AMPH: variants seen among roughly 807,000 people sequenced by gnomAD.
The protein encoded by AMPH is amphiphysin, also known as amphiphysin (Stiff-Mann syndrome with breast cancer 128kD autoantigen).
A neutral mutation model predicts 99.1 loss-of-function variants in AMPH; 49 were observed. The ratio of observed to expected loss-of-function variants is 0.49; its 90% confidence interval spans 0.39 to 0.63. AMPH has a LOEUF of 0.63. Among genes scored for constraint, AMPH ranks in the 20% least tolerant of loss-of-function variants. The pLI, the probability that AMPH is intolerant of heterozygous loss-of-function variation, is 0.00. For synonymous variants in AMPH, 314 were observed against 317.3 expected (o/e 0.99, Z 0.11); for missense variants, 759 against 863.4 (o/e 0.88, Z 1.52).
rs1042831856 is a variant in AMPH, at chr7:38,429,385, C to T, written c.1182+457G>A. ...GATAATCTTATGTCTTGCTCTGTTT[C>T]GGAGGGACATGCAGAGTCTTCTCCA... On this transcript the variant is annotated intron_variant, in intron 14 of 20. Coordinates refer to ENST00000356264, the MANE Select transcript of AMPH (RefSeq NM_001635.4). 25 of 1,290,766 alleles carry T rather than the reference C, an allele frequency of 1.9e-5. No homozygotes were observed. In the African/African-American group the frequency reaches 3.2e-4, roughly 16 times the overall value. The allele number at this position is 1,290,766 out of a possible 1,614,324, so 80.0% of individuals were successfully genotyped here.
intron 1 of AMPH, among the ~76,000 whole-genome samples, chr7:38,555,921 T>A (rs889119666): frequency 2.0e-5 from 3 of 152,050 alleles, no homozygotes; most frequent in Admixed American, 2.0e-4. Flanking sequence ...TGGGTACACA[T>A]GGACATAAAG....
At position 38,606,778 on chromosome 7, in the gene AMPH, T is replaced by C. The variant is rs769119600; in HGVS notation, c.69+24505A>G. ...TTTGTAGAGACAGGGTCTTGCTATG[T>C]TGCCCAGGCTGGTCTTGAACTCTCG... is the stretch of plus-strand genomic sequence containing the variant. On this transcript the variant is annotated intron_variant, in intron 1 of 20. Coordinates refer to ENST00000356264, the MANE Select transcript of AMPH (RefSeq NM_001635.4). Among the ~76,000 whole-genome samples, 31 of 152,198 alleles carry C rather than the reference T, an allele frequency of 2.0e-4. 1 individual carries two copies. Among genetic ancestry groups the C allele is most frequent in the Non-Finnish European group, 1.3e-4 (9 of 67,996 alleles).
chr7:38,573,877 ATTTTC>A (rs1792136712), intron 1 of AMPH, among the ~76,000 whole-genome samples: 1 of 152,184 alleles, frequency 6.6e-6, no homozygotes, highest in South Asian at 2.1e-4. Flanking sequence ...AACTCATTTA[ATTTTC>A]ATGACTGTCC....
intron 12 of AMPH, 67 bp downstream of exon 12, chr7:38,436,205 T>C (rs1265222491): frequency 1.4e-5 from 16 of 1,160,190 alleles, no homozygotes; most frequent in East Asian, 9.3e-5. Flanking sequence ...ATAGGGATCA[T>C]TGGTTACCAC....
rs114981092 is a variant in AMPH, at chr7:38,598,330, C to T, written c.69+32953G>A. The stretch of plus-strand genomic sequence containing the variant: ...ACTGAGTCTTACTCTGTCACCTGGA[C>T]TGGAGTGCAGTGGCATGATCTCAGC... On this transcript the variant is annotated intron_variant, in intron 1 of 20. Coordinates refer to ENST00000356264, the MANE Select transcript of AMPH (RefSeq NM_001635.4). Among the ~76,000 whole-genome samples the T allele has an allele frequency of 4.6e-3, 697 of 151,736 alleles. 2 individuals carry two copies. The highest frequency in any genetic ancestry group is 0.016 in the African/African-American group (661 of 41,114).
intron 5 of AMPH, among the ~76,000 whole-genome samples, chr7:38,489,956 G>A (rs1016130901): frequency 5.9e-5 from 9 of 151,986 alleles, no homozygotes; most frequent in African/African-American, 9.7e-5. Context: ...TGTTCTTACC[G>A]CAATAAAGTA....
chr7:38,461,542 G>A, intron 10 of AMPH, 131 bp from the exon 11 acceptor site: 2 of 1,071,728 alleles, frequency 1.9e-6, no homozygotes, highest in East Asian at 2.5e-5. Context: ...ATAGCAGCAA[G>A]CCTATCTGAT....
At chr7:38,543,095 C>A (rs1348508163) in intron 1 of AMPH, among the ~76,000 whole-genome samples, 37 of 139,432 alleles carry the variant, frequency 2.7e-4, no homozygotes, top group Non-Finnish European at 2.6e-4. Flanking sequence ...CCCTGTCCCA[C>A]AAAAAAAAAA....
At chr7:38,483,164 G>T (rs141721681) in intron 5 of AMPH, among the ~76,000 whole-genome samples, 306 of 152,194 alleles carry the variant, frequency 2.0e-3, no homozygotes, top group African/African-American at 7.2e-3. Flanking sequence ...TTCTACCCAA[G>T]GGAGTGCCTT....
chr7:38,429,188 G>A, intron 14 of AMPH: 1 of 1,289,768 alleles, frequency 7.8e-7, no homozygotes, highest in South Asian at 1.2e-5. Flanking sequence ...GCATGTCTGA[G>A]TCAAGTGGGT....
intron 13 of AMPH, among the ~76,000 whole-genome samples, chr7:38,431,205 G>GA (rs1298413718): frequency 2.0e-5 from 3 of 152,142 alleles, no homozygotes; most frequent in African/African-American, 7.2e-5. Flanking sequence ...CAGATTAGCT[G>GA]AAAAAACATC....
At chr7:38,392,210 T>C (rs976085547) in intron 18 of AMPH, among the ~76,000 whole-genome samples, 193 bp from the exon 19 acceptor site, 7 of 151,756 alleles carry the variant, frequency 4.6e-5, no homozygotes, top group African/African-American at 1.7e-4. Context: ...GCCTAAACCC[T>C]TAGTGGAATT....
Position 38,426,866 on chromosome 7 carries a change from A to G in AMPH, c.1215+88T>C, listed in dbSNP as rs1785799004. Reference sequence around the variant, plus strand: ...TGCTGATATTCTTAATCATTACGCTATACTAGTGGCACAGAGAACCAAACC... The same window carrying G: ...TGCTGATATTCTTAATCATTACGCTGTACTAGTGGCACAGAGAACCAAACC... On this transcript the variant is annotated intron_variant, in intron 15 of 20. Coordinates refer to ENST00000356264, the MANE Select transcript of AMPH (RefSeq NM_001635.4). 3.9e-5 allele frequency: 48 copies of G among 1,218,822 alleles called. No homozygotes were observed. In the Middle Eastern group the frequency reaches 5.6e-4, roughly 14 times the overall value. The allele number at this position is 1,218,822 out of a possible 1,614,324, so 75.5% of individuals were successfully genotyped here. A position where few individuals can be genotyped will look rare whatever the true frequency, so the allele number is the denominator to read the frequency against.
chr7:38,438,469 G>T (rs1786375573), intron 11 of AMPH, among the ~76,000 whole-genome samples: 1 of 152,136 alleles, frequency 6.6e-6, no homozygotes, highest in Non-Finnish European at 1.5e-5. Flanking sequence ...TGATGCCCCA[G>T]ACCCAAGTTT....
chr7:38,420,982 C>T (rs1364980481), intron 16 of AMPH: 4 of 456,626 alleles, frequency 8.8e-6, no homozygotes, highest in Non-Finnish European at 1.8e-5. Context: ...TGTACAATCA[C>T]GACTCACTGG....
At chr7:38,514,291 C>T (rs2893562) in intron 2 of AMPH, among the ~76,000 whole-genome samples, 3,006 of 152,274 alleles carry the variant, frequency 0.02, 47 homozygotes, top group South Asian at 0.054. Flanking sequence ...TCAATAGTTA[C>T]CTGCTATTGT....
intron 1 of AMPH, among the ~76,000 whole-genome samples, chr7:38,571,481 TATATATTCTATATAA>T (rs1156735647): frequency 1.5e-5 from 2 of 132,792 alleles, no homozygotes; most frequent in Non-Finnish European, 3.1e-5. Context: ...TTCTATAAAA[TATATATTCTATATAA>T]ATATATTCTA....
At chr7:38,488,844 GA>G (rs1206271728) in intron 5 of AMPH, among the ~76,000 whole-genome samples, 2 of 152,000 alleles carry the variant, frequency 1.3e-5, no homozygotes, top group Non-Finnish European at 2.9e-5. Flanking sequence ...ATAAATTAAA[GA>G]AGGCACAAAC....
intron 17 of AMPH, among the ~76,000 whole-genome samples, chr7:38,406,371 C>T (rs374917003): frequency 1.4e-5 from 2 of 144,912 alleles, no homozygotes; most frequent in African/African-American, 2.8e-5. Flanking sequence ...AAGATCAGAG[C>T]GGAACTAAAT....
Sources: allele counts gnomAD v4.1 joint callset (sites outside exome capture counted in the v4.1 genomes callset), GRCh38; gene constraint gnomAD v4.1.1; transcripts MANE v1.5; gene names NCBI Gene and HGNC (gene_info 2026-07-23, HGNC 2026-07-21).